CCDC40: variants seen among roughly 807,000 people sequenced by gnomAD.
CCDC40 encodes the protein coiled-coil domain 40 molecular ruler complex subunit, also known as coiled-coil domain-containing protein 40.
In CCDC40, 104 loss-of-function variants were observed where a neutral mutation model predicts 124.5. That is an observed-to-expected ratio of 0.84 (90% CI 0.71 to 0.98). The LOEUF (loss-of-function observed/expected upper bound fraction) is 0.98. Among genes scored for constraint, CCDC40 ranks in the 50% least tolerant of loss-of-function variants. The probability of loss-of-function intolerance (pLI) is 0.00; values close to 1 mark genes in which losing one functional copy is unlikely to be tolerated. For missense variants in CCDC40, 1,463 were observed against 1,503.9 expected (o/e 0.97, Z 0.45); for synonymous variants, 580 against 602.9 (o/e 0.96, Z 0.56).
chr17:80,062,204 A>G (rs534040722), intron 9 of CCDC40, among the ~76,000 whole-genome samples: 1 of 152,328 alleles, frequency 6.6e-6, no homozygotes, highest in South Asian at 2.1e-4. Context: ...AGAAGAGGAC[A>G]TTAGTGAAAC....
chr17:80,043,605 CTTT>C (rs61278841), intron 3 of CCDC40, among the ~76,000 whole-genome samples: 3 of 121,356 alleles, frequency 2.5e-5, no homozygotes, highest in Admixed American at 8.4e-5. Context: ...TCTCCTCTTC[CTTT>C]TTTTTTTTTT....
intron 7 of CCDC40, among the ~76,000 whole-genome samples, chr17:80,052,619 C>T (rs1487060290): frequency 1.3e-5 from 2 of 152,154 alleles, no homozygotes; most frequent in East Asian, 1.9e-4. Context: ...GTTACCAACC[C>T]GAGATCCCCA....
Position 80,039,792 on chromosome 17 carries a change from T to G in CCDC40, c.94-20T>G. ...CTTTATACTTTGTTTCCTGATTTTT[T>G]TCCTGCCACACCTTTACAGGTGTCA... On this transcript the variant is annotated intron_variant, in intron 2 of 19. Transcript: ENST00000397545. 1 of 1,612,874 alleles carries G rather than the reference T, an allele frequency of 6.2e-7. No individual in the cohort carries two copies. Among genetic ancestry groups the G allele is most frequent in the South Asian group, 1.1e-5 (1 of 90,958 alleles).
rs375576040 is a variant in CCDC40, at chr17:80,052,061, C to T, written c.1159+1778C>T. Among the ~76,000 whole-genome samples the T allele has an allele frequency of 1.2e-3, 177 of 152,366 alleles. 5 individuals are homozygous for T. The South Asian group carries it at 0.036, about 31-fold the overall frequency. On this transcript the variant is annotated intron_variant, in intron 7 of 19. Transcript: ENST00000397545. ...CCCGGCCCTGACCGGGGGGCAGCCA[C>T]CACTGCACAGTCCCTTAGGTGAGAC...
chr17:80,057,124 A>G (rs1435343336), intron 7 of CCDC40, among the ~76,000 whole-genome samples: 1 of 151,888 alleles, frequency 6.6e-6, no homozygotes, highest in East Asian at 1.9e-4. Context: ...AGCTATATTA[A>G]TGCACAGGTT....
chr17:80,073,345 ATC>A (rs1305439244), intron 10 of CCDC40, among the ~76,000 whole-genome samples: 1 of 152,144 alleles, frequency 6.6e-6, no homozygotes, highest in Non-Finnish European at 1.5e-5. Context: ...CACCGGCACC[ATC>A]TCTCCAGCGG....
chr17:80,045,661 G>A (rs1349350511), intron 3 of CCDC40, among the ~76,000 whole-genome samples: 1 of 152,062 alleles, frequency 6.6e-6, no homozygotes, highest in East Asian at 1.9e-4. Context: ...CCGAGATGGT[G>A]CCACTGCACT....
At position 80,065,554 on chromosome 17, in the gene CCDC40, G is replaced by T; in HGVS notation, c.1510G>T (p.Val504Leu). 1 of 1,613,118 alleles carries T rather than the reference G, an allele frequency of 6.2e-7. No individual in the cohort carries two copies. Among genetic ancestry groups the T allele is most frequent in the Non-Finnish European group, 8.5e-7 (1 of 1,179,954 alleles). ...CATGCAGCAATGGGCCAGCAGCCTG[G>T]TGGGCATGAAGCACCGCGACGAGGC... is the stretch of plus-strand genomic sequence containing the variant. ...RIMQQWASSL[V>L]GMKHRDEAHR... The change falls in exon 10 of 20, where the codon GTG (valine) becomes TTG (leucine). Residue 504 changes from valine (V) to leucine (L), a missense_variant. By Grantham distance (32) the Val-to-Leu change is conservative (BLOSUM62 1). Coordinates refer to ENST00000397545, the MANE Select transcript of CCDC40 (RefSeq NM_017950.4).
rs35892854 is a variant in CCDC40 at position 80,067,668 on chromosome 17, A to G, written c.1562+2062A>G. 0.021 allele frequency: 32,587 copies of G among 1,535,736 alleles called. 3,964 individuals carry two copies. The African/African-American group carries it at 0.32, about 15-fold the overall frequency. On this transcript the variant is annotated intron_variant, in intron 10 of 19. Transcript: ENST00000397545. ...TGGCGGTGCTGCTGTAGATAACCGG[A>G]TCCGCGAATGCTAACGCTCACCAGG...
rs536804940 is a variant in CCDC40, at chr17:80,087,912, C to T, written c.2620-99C>T. The T allele has an allele frequency of 4.1e-4, 522 of 1,279,636 alleles. 8 individuals are homozygous for T. In the East Asian group the frequency reaches 7.9e-3, roughly 19 times the overall value. The allele number at this position is 1,279,636 out of a possible 1,614,324, so 79.3% of individuals were successfully genotyped here. A position where few individuals can be genotyped will look rare whatever the true frequency, so the allele number is the denominator to read the frequency against. On this transcript the variant is annotated intron_variant, in intron 15 of 19. Transcript: ENST00000397545. The surrounding 1 kb of genome is among the most constrained non-coding windows in gnomAD (Gnocchi z 4.5). ...CTTGTAGGGGTATTAGAAATCCAGC[C>T]TGCAGCCCTGCCCTCGGTGCCGGGA...
At chr17:80,091,235 T>C (rs1274712759) in intron 17 of CCDC40, among the ~76,000 whole-genome samples, 1 of 152,032 alleles carries the variant, frequency 6.6e-6, no homozygotes, top group Non-Finnish European at 1.5e-5. Flanking sequence ...AATTTGTTGT[T>C]GGTGTTATTG....
intron 10 of CCDC40, among the ~76,000 whole-genome samples, chr17:80,070,317 G>A (rs117114023): frequency 4.1e-4 from 62 of 152,368 alleles, no homozygotes; most frequent in Non-Finnish European, 7.8e-4. Flanking sequence ...CCCCATGGGC[G>A]GGCATAGTGG....
rs374909386 is a variant in CCDC40, at chr17:80,099,700, C to A, written c.3354C>A (p.Tyr1118Ter). 14 of 1,613,670 alleles carry A rather than the reference C, an allele frequency of 8.7e-6. No homozygotes were observed. Among genetic ancestry groups the A allele is most frequent in the Non-Finnish European group, 1.2e-5 (14 of 1,180,008 alleles). The part of the protein sequence containing the change: ...ATILDRVRDE[Y>*]PQFQEALHKV... Reference sequence around the variant, plus strand: ...TCCTGGACCGCGTGCGGGACGAGTACCCCCAGTTCCAGGAGGCCCTGCACA... The same window carrying A: ...TCCTGGACCGCGTGCGGGACGAGTAACCCCAGTTCCAGGAGGCCCTGCACA... The change falls in exon 20 of 20, where the codon TAC (tyrosine) becomes TAA (stop). Residue 1118 changes from tyrosine (Y) to a stop codon, truncating the protein, a stop_gained. Coordinates refer to ENST00000397545, the MANE Select transcript of CCDC40 (RefSeq NM_017950.4). LOFTEE classifies it low-confidence loss of function (END_TRUNC).
intron 17 of CCDC40, among the ~76,000 whole-genome samples, chr17:80,094,030 C>T (rs2038763156): frequency 6.6e-6 from 1 of 152,150 alleles, no homozygotes; most frequent in South Asian, 2.1e-4. Context: ...TCTCCCTTCA[C>T]CCTGCTTATC....
chr17:80,099,620 T>A lies in CCDC40; in HGVS notation c.3274T>A (p.Ser1092Thr). The change falls in exon 20 of 20, where the codon TCC becomes ACC. Residue 1092 changes from serine to threonine, a missense_variant. Ser to Thr is a moderately conservative substitution (Grantham distance 58, BLOSUM62 1). Coordinates refer to ENST00000397545, the MANE Select transcript of CCDC40 (RefSeq NM_017950.4). Reference protein sequence around the residue: ...RYVFLFRSKQSLVLERQRLDK... With the variant: ...RYVFLFRSKQTLVLERQRLDK... The stretch of plus-strand genomic sequence containing the variant: ...CGTGTTCCTGTTCCGCTCCAAGCAG[T>A]CCCTAGTGCTGGAGCGCCAGCGCCT... The A allele has an allele frequency of 6.2e-7, 1 of 1,613,722 alleles. No individual in the cohort carries two copies. The highest frequency in any genetic ancestry group is 8.5e-7 in the Non-Finnish European group (1 of 1,180,012).
rs751556028 is a variant in CCDC40, at chr17:80,038,107, G to A, written c.30-16G>A. On this transcript the variant is annotated splice_polypyrimidine_tract_variant and intron_variant, in intron 1 of 19. Coordinates refer to ENST00000397545, the MANE Select transcript of CCDC40 (RefSeq NM_017950.4). ...AGCTGTTGCTTGAAACTGTTCAATTGTTTCTCTAAAACCAGGTCCCATCCG... is the reference window on the plus strand; with the variant it reads ...AGCTGTTGCTTGAAACTGTTCAATTATTTCTCTAAAACCAGGTCCCATCCG... 6.3e-7 allele frequency: 1 copy of A among 1,586,254 alleles called. No homozygotes were observed. Among genetic ancestry groups the A allele is most frequent in the Non-Finnish European group, 8.7e-7 (1 of 1,155,746 alleles).
At chr17:80,050,778 C>T (rs1336506380) in intron 7 of CCDC40, among the ~76,000 whole-genome samples, 2 of 152,204 alleles carry the variant, frequency 1.3e-5, no homozygotes, top group Admixed American at 1.3e-4. Context: ...CAGGACAAAG[C>T]AGCAAATGCT....
At position 80,087,115 on chromosome 17, in the gene CCDC40, A is replaced by G. The variant is rs543636234; in HGVS notation, c.2450-492A>G. 3.2e-5 allele frequency: 7 copies of G among 218,510 alleles called. No individual in the cohort carries two copies. The highest frequency in any genetic ancestry group is 5.6e-5 in the Non-Finnish European group (6 of 107,974). The allele number at this position is 218,510 out of a possible 1,614,324, so 13.5% of individuals were successfully genotyped here. A position where few individuals can be genotyped will look rare whatever the true frequency, so the allele number is the denominator to read the frequency against. ...CCTGTGAGGAGTGGCCAGCGGATGA[A>G]CCAGCTGTGGCCTCTTGTGCCCTCC... On this transcript the variant is annotated intron_variant, in intron 14 of 19. Transcript: ENST00000397545. This position sits in a 1 kb window ranked among gnomAD's most constrained non-coding sequence, Gnocchi z 4.5.
intron 3 of CCDC40, among the ~76,000 whole-genome samples, chr17:80,040,863 G>A (rs867883693): frequency 2.0e-5 from 3 of 152,062 alleles, no homozygotes; most frequent in African/African-American, 4.8e-5. Flanking sequence ...TGTCCAATAC[G>A]GTCCATCAGT....
Sources: allele counts gnomAD v4.1 joint callset (sites outside exome capture counted in the v4.1 genomes callset), GRCh38; gene constraint gnomAD v4.1.1; non-coding constraint Gnocchi (gnomAD v3.1); transcripts MANE v1.5; gene names NCBI Gene and HGNC (gene_info 2026-07-23, HGNC 2026-07-21).